TYW1B: variants seen among roughly 807,000 people sequenced by gnomAD.
TYW1B encodes S-adenosyl-L-methionine-dependent tRNA 4-demethylwyosine synthase TYW1B.
In TYW1B, 73 loss-of-function variants were observed where a neutral mutation model predicts 86.9. That is an observed-to-expected ratio of 0.84 (90% CI 0.70 to 1.02). TYW1B has a LOEUF of 1.02. Ranked by LOEUF, TYW1B falls within the 50% of genes least tolerant of loss-of-function variation. TYW1B has a pLI of 0.00. For synonymous variants in TYW1B, 248 were observed against 292.8 expected, an observed-to-expected ratio of 0.85 and a Z score of 1.56; for missense variants, 637 against 827.4, an observed-to-expected ratio of 0.77 and a Z score of 2.82.
At chr7:72,685,499 G>C (rs1310877674) in intron 11 of TYW1B, among the ~76,000 whole-genome samples, 5 of 152,146 alleles carry the variant, frequency 3.3e-5, no homozygotes, top group African/African-American at 1.2e-4. Context: ...CCCAGGAAAA[G>C]AGTCACACAA....
chr7:72,719,789 G>GGA (rs1303953701), intron 9 of TYW1B, among the ~76,000 whole-genome samples: 2 of 152,104 alleles, frequency 1.3e-5, no homozygotes, highest in Non-Finnish European at 2.9e-5. Context: ...GAGTGTAGCT[G>GGA]GAGGAGGTGA....
chr7:72,668,807 G>C (rs1163225793), intron 11 of TYW1B, among the ~76,000 whole-genome samples: 2 of 152,168 alleles, frequency 1.3e-5, no homozygotes, highest in African/African-American at 4.8e-5. Flanking sequence ...AATAACGCTA[G>C]GTTTTAAGTC....
At chr7:72,788,973 G>A (rs1788174235) in intron 6 of TYW1B, among the ~76,000 whole-genome samples, 1 of 151,862 alleles carries the variant, frequency 6.6e-6, no homozygotes, top group East Asian at 1.9e-4. Flanking sequence ...TGGGACCACA[G>A]GTACCAGCTA....
At chr7:72,674,772 T>TTC (rs1813697480) in intron 11 of TYW1B, among the ~76,000 whole-genome samples, 1 of 150,586 alleles carries the variant, frequency 6.6e-6, no homozygotes, top group Non-Finnish European at 1.5e-5. Flanking sequence ...TTTTTTTTTT[T>TTC]TTTTTAAAGA....
chr7:72,727,460 A>C (rs1345125193), intron 9 of TYW1B, among the ~76,000 whole-genome samples: 1 of 152,170 alleles, frequency 6.6e-6, no homozygotes, highest in African/African-American at 2.4e-5. Flanking sequence ...AAGCCATCAC[A>C]TGTACAGTAG....
At chr7:72,717,790 C>A (rs1423547426) in intron 9 of TYW1B, among the ~76,000 whole-genome samples, 1 of 152,078 alleles carries the variant, frequency 6.6e-6, no homozygotes, top group Non-Finnish European at 1.5e-5. Flanking sequence ...GCAAATTAAA[C>A]TTACAATGGG....
intron 12 of TYW1B, among the ~76,000 whole-genome samples, chr7:72,619,362 C>A (rs1397821531): frequency 1.3e-5 from 2 of 152,156 alleles, no homozygotes; most frequent in African/African-American, 4.8e-5. Context: ...TCATTACGGG[C>A]CGGGCGCGGT....
intron 8 of TYW1B, among the ~76,000 whole-genome samples, chr7:72,737,655 T>A (rs1426952172): frequency 6.6e-6 from 1 of 152,236 alleles, no homozygotes; most frequent in African/African-American, 2.4e-5. Flanking sequence ...TATGATGTGA[T>A]CCCAATACTT....
At chr7:72,673,524 C>T (rs1813660547) in intron 11 of TYW1B, among the ~76,000 whole-genome samples, 2 of 152,144 alleles carry the variant, frequency 1.3e-5, no homozygotes, top group Non-Finnish European at 2.9e-5. Flanking sequence ...CGTGTTCTCA[C>T]TTAATTGTGG....
chr7:72,715,961 C>T lies in TYW1B; in HGVS notation c.1193-2163G>A, dbSNP rs148140964. 6.8e-3 allele frequency among the ~76,000 whole-genome samples: 1,034 copies of T among 152,168 alleles called. 12 individuals are homozygous for T. Among genetic ancestry groups the T allele is most frequent in the African/African-American group, 0.021 (880 of 41,518 alleles). On this transcript the variant is annotated intron_variant, in intron 9 of 13. Coordinates refer to ENST00000620995, the MANE Select transcript of TYW1B (RefSeq NM_001145440.3). ...TTTGTTTGTTTTTGAGATGGAGTTG[C>T]GCTCCATCACCCAGGCTGGATTGCA...
intron 11 of TYW1B, among the ~76,000 whole-genome samples, chr7:72,653,427 A>T (rs1254026259): frequency 6.6e-6 from 1 of 151,476 alleles, no homozygotes; most frequent in Admixed American, 6.6e-5. Flanking sequence ...TAACACAGTG[A>T]AACCCCCGTC....
chr7:72,805,200 C>T (rs1330739383), intron 5 of TYW1B, among the ~76,000 whole-genome samples: 4 of 53,224 alleles, frequency 7.5e-5, no homozygotes, highest in Non-Finnish European at 2.0e-4. Context: ...TTTAGGAATA[C>T]GAAAAGGAGC....
At chr7:72,660,295 G>T (rs1813298116) in intron 11 of TYW1B, among the ~76,000 whole-genome samples, 1 of 152,092 alleles carries the variant, frequency 6.6e-6, no homozygotes, top group Non-Finnish European at 1.5e-5. Flanking sequence ...GATCGCTTGA[G>T]CCCAGGAGAT....
chr7:72,584,091 G>C (rs1811218174), intron 13 of TYW1B, among the ~76,000 whole-genome samples: 1 of 152,178 alleles, frequency 6.6e-6, no homozygotes, highest in Admixed American at 6.6e-5. Context: ...CTGTCGCCCA[G>C]ACTGGAGTGC....
intron 13 of TYW1B, among the ~76,000 whole-genome samples, chr7:72,594,179 A>C (rs1811472019): frequency 6.6e-6 from 1 of 152,102 alleles, no homozygotes; most frequent in South Asian, 2.1e-4. Context: ...GATTAACAAA[A>C]TAGAGAATAG....
intron 6 of TYW1B, among the ~76,000 whole-genome samples, chr7:72,780,037 T>A (rs1476716858): frequency 6.6e-6 from 1 of 152,192 alleles, no homozygotes; most frequent in Non-Finnish European, 1.5e-5. Flanking sequence ...CAATCATTTG[T>A]TCTTATAATA....
Position 72,602,421 on chromosome 7 carries a change from T to C in TYW1B, c.1785+14251A>G, listed in dbSNP as rs367631546. Reference sequence around the variant, plus strand: ...AGACATCGGTGTGTTCACTTGAATATAGGTATAGACAGAAATATAGAAATG... The same window carrying C: ...AGACATCGGTGTGTTCACTTGAATACAGGTATAGACAGAAATATAGAAATG... On this transcript the variant is annotated intron_variant, in intron 13 of 13. Coordinates refer to ENST00000620995, the MANE Select transcript of TYW1B (RefSeq NM_001145440.3). Among the ~76,000 whole-genome samples the C allele has an allele frequency of 1.4e-3, 220 of 152,254 alleles. 1 individual carries two copies. Among genetic ancestry groups the C allele is most frequent in the African/African-American group, 5.0e-3 (208 of 41,538 alleles).
At chr7:72,789,939 C>CTTTTTTTTTTTT (rs67405029) in intron 6 of TYW1B, among the ~76,000 whole-genome samples, 1 of 69,168 alleles carries the variant, frequency 1.4e-5, no homozygotes, top group African/African-American at 5.3e-5. Context: ...ATAGGATTAT[C>CTTTTTTTTTTTT]TTTTTTTTTT....
chr7:72,802,363 C>T (rs781871503), intron 6 of TYW1B, 37 bp downstream of exon 6: 13 of 1,612,310 alleles, frequency 8.1e-6, no homozygotes, highest in Admixed American at 3.3e-5. Flanking sequence ...TAACCAACTG[C>T]GGGAGCCAAG....
Sources: allele counts gnomAD v4.1 joint callset (sites outside exome capture counted in the v4.1 genomes callset), GRCh38; gene constraint gnomAD v4.1.1; transcripts MANE v1.5; gene names NCBI Gene and HGNC (gene_info 2026-07-23, HGNC 2026-07-21).